ASCC1: variants seen among roughly 807,000 people sequenced by gnomAD.
The protein encoded by ASCC1 is ASC-1 complex subunit P50.
ASCC1 carries 35 observed loss-of-function variants against 46.6 expected under a neutral mutation model. That is an observed-to-expected ratio of 0.75 (90% CI 0.57 to 0.99). The LOEUF is 0.99. ASCC1 is among the 50% of genes least tolerant of loss of function. ASCC1 has a pLI of 0.00. For missense variants in ASCC1, 376 were observed against 428.7 expected (o/e 0.88, Z 1.09); for synonymous variants, 143 against 146.6 (o/e 0.98, Z 0.18).
intron 4 of ASCC1, among the ~76,000 whole-genome samples, 199 bp downstream of exon 4, chr10:72,203,228 G>A (rs1290184812): frequency 1.3e-5 from 2 of 150,208 alleles, no homozygotes; most frequent in African/African-American, 4.9e-5. Flanking sequence ...GGAGGTTGCA[G>A]TGAGCCGAGA....
intron 7 of ASCC1, among the ~76,000 whole-genome samples, chr10:72,139,212 C>T (rs1278547787): frequency 4.0e-5 from 6 of 149,846 alleles, no homozygotes; most frequent in African/African-American, 7.4e-5. Context: ...CTCCCAGGTT[C>T]AAGCGATTGT....
intron 5 of ASCC1, among the ~76,000 whole-genome samples, chr10:72,191,697 A>G (rs759152522): frequency 2.9e-4 from 44 of 152,024 alleles, no homozygotes; most frequent in Non-Finnish European, 3.8e-4. Flanking sequence ...CCCAGGCTAC[A>G]GTACAATGGC....
intron 9 of ASCC1, among the ~76,000 whole-genome samples, chr10:72,125,403 T>C (rs150732695): frequency 5.9e-5 from 9 of 152,336 alleles, no homozygotes; most frequent in African/African-American, 1.4e-4. Flanking sequence ...GTTAGTGAAA[T>C]TGATTTTTTT....
At chr10:72,161,150 T>A (rs1212498214) in intron 6 of ASCC1, among the ~76,000 whole-genome samples, 1 of 148,978 alleles carries the variant, frequency 6.7e-6, no homozygotes, top group East Asian at 2.0e-4. Context: ...TAGAGAATCG[T>A]GTTATAATGT....
At chr10:72,215,419 AATT>A (rs1480018161) in intron 1 of ASCC1, among the ~76,000 whole-genome samples, 2 of 152,168 alleles carry the variant, frequency 1.3e-5, no homozygotes, top group African/African-American at 4.8e-5. Context: ...ATAAAATAAT[AATT>A]GATGAGTTGT....
chr10:72,150,252 T>C (rs1405222498), intron 7 of ASCC1, among the ~76,000 whole-genome samples: 1 of 151,798 alleles, frequency 6.6e-6, no homozygotes, highest in East Asian at 1.9e-4. Context: ...TTCTATACCA[T>C]TTTTCCTCCC....
At chr10:72,150,382 C>G (rs911141454) in intron 7 of ASCC1, among the ~76,000 whole-genome samples, 2 of 152,110 alleles carry the variant, frequency 1.3e-5, no homozygotes, top group Non-Finnish European at 2.9e-5. Flanking sequence ...AATGTGGGAG[C>G]CTGCCTAGAG....
In ASCC1 at chr10:72,149,424, C is replaced by T. The variant is rs140468527; in HGVS notation, c.746+3445G>A. On this transcript the variant is annotated intron_variant, in intron 7 of 9. Coordinates refer to ENST00000672957, the MANE Select transcript of ASCC1 (RefSeq NM_001198800.3). ...CTGCACTCCCGCCTGGGCGACAGAG[C>T]GAGACTCCGTCACAAAAAAAAAAAA... Among the ~76,000 whole-genome samples, 346 of 112,874 alleles carry T rather than the reference C, an allele frequency of 3.1e-3. 2 individuals carry two copies. Among genetic ancestry groups the T allele is most frequent in the African/African-American group, 0.011 (317 of 27,784 alleles). 74.0% of individuals were successfully genotyped at this position (112,874 alleles called of 152,430 possible).
At chr10:72,207,000 C>G (rs1378310542) in intron 3 of ASCC1, among the ~76,000 whole-genome samples, 1 of 152,154 alleles carries the variant, frequency 6.6e-6, no homozygotes, top group East Asian at 1.9e-4. Context: ...ATGGTGCCAT[C>G]CCCATCAAAG....
At position 72,173,142 on chromosome 10, in the gene ASCC1, A is replaced by G. The variant is rs536241844; in HGVS notation, c.490-11468T>C. Among the ~76,000 whole-genome samples the G allele has an allele frequency of 1.7e-3, 251 of 151,612 alleles. 6 individuals are homozygous for G. In the South Asian group the frequency reaches 0.048, roughly 29 times the overall value. On this transcript the variant is annotated intron_variant, in intron 5 of 9. Transcript: ENST00000672957. Reference sequence around the variant, plus strand: ...TTCTAAAGGCCTGAAAGTGCACACAAGTACCTTTCTAGACCTGGAAATGAC... The same window carrying G: ...TTCTAAAGGCCTGAAAGTGCACACAGGTACCTTTCTAGACCTGGAAATGAC...
At chr10:72,168,348 A>C (rs936776054) in intron 5 of ASCC1, among the ~76,000 whole-genome samples, 1 of 152,256 alleles carries the variant, frequency 6.6e-6, no homozygotes, top group African/African-American at 2.4e-5. Context: ...GCTCATTTAA[A>C]AAATGCAAAT....
At chr10:72,144,251 A>G (rs1047317107) in intron 7 of ASCC1, among the ~76,000 whole-genome samples, 1 of 152,192 alleles carries the variant, frequency 6.6e-6, no homozygotes, top group African/African-American at 2.4e-5. Flanking sequence ...CTGGGATTAC[A>G]GGCGTGAGCC....
intron 5 of ASCC1, among the ~76,000 whole-genome samples, chr10:72,165,404 C>T (rs748336709): frequency 1.3e-5 from 2 of 152,254 alleles, no homozygotes; most frequent in Admixed American, 6.5e-5. Flanking sequence ...GCATGAGCCA[C>T]CGCGCCCGGC....
At chr10:72,172,211 C>T (rs372474134) in intron 5 of ASCC1, among the ~76,000 whole-genome samples, 5 of 151,694 alleles carry the variant, frequency 3.3e-5, no homozygotes, top group Admixed American at 3.3e-4. Context: ...GTCAGGAGAT[C>T]GAGACCAGCC....
intron 1 of ASCC1, among the ~76,000 whole-genome samples, chr10:72,214,482 T>A (rs553391672): frequency 2.0e-5 from 3 of 151,348 alleles, no homozygotes; most frequent in African/African-American, 7.3e-5. Context: ...TTTAAGCGAT[T>A]CTCCTGCCTC....
At position 72,097,293 on chromosome 10, in the gene ASCC1, T is replaced by C. The variant is rs760718880; in HGVS notation, c.*41A>G. On this transcript the variant is annotated 3_prime_UTR_variant, in exon 10 of 10. Coordinates refer to ENST00000672957, the MANE Select transcript of ASCC1 (RefSeq NM_001198800.3). ...AACGAAGACACTTTTCTTCAGCACC[T>C]GGTGAAGATGTTTAGTTTCTAGTGC... 53 of 1,341,570 alleles carry C rather than the reference T, an allele frequency of 4.0e-5. No homozygotes were observed. The highest frequency in any genetic ancestry group is 9.6e-6 in the Non-Finnish European group (9 of 933,202). 83.1% of individuals were successfully genotyped at this position (1,341,570 alleles called of 1,614,324 possible).
intron 9 of ASCC1, among the ~76,000 whole-genome samples, chr10:72,124,785 A>T (rs1220194749): frequency 6.9e-6 from 1 of 145,974 alleles, no homozygotes; most frequent in Non-Finnish European, 1.5e-5. Context: ...CTGAGGGGAC[A>T]CCATCCCATT....
At chr10:72,216,749 G>A (rs1859419650), upstream of ASCC1, 1 of 451,004 alleles carries the variant, frequency 2.2e-6, no homozygotes, top group African/African-American at 2.0e-5. Flanking sequence ...ATCTTAGCTC[G>A]GACACAGCAA....
At chr10:72,099,465 G>A (rs952588787) in intron 9 of ASCC1, among the ~76,000 whole-genome samples, 1 of 152,132 alleles carries the variant, frequency 6.6e-6, no homozygotes, top group African/African-American at 2.4e-5. Context: ...TGGACAGAAG[G>A]CACCACCCAC....
Sources: allele counts gnomAD v4.1 joint callset (sites outside exome capture counted in the v4.1 genomes callset), GRCh38; gene constraint gnomAD v4.1.1; transcripts MANE v1.5; gene names NCBI Gene and HGNC (gene_info 2026-07-23, HGNC 2026-07-21).